The following DST variants were observed in gnomAD, a reference collection of about 807,000 sequenced individuals.
DST encodes the protein bullous pemphigoid antigen.
Under a neutral mutation model 875.2 loss-of-function variants are expected in DST, and 253 were observed. The ratio of observed to expected loss-of-function variants is 0.29; its 90% confidence interval spans 0.26 to 0.32. The LOEUF (loss-of-function observed/expected upper bound fraction) is 0.32, where lower values mean the gene tolerates loss of function less well. DST is among the 10% of genes least tolerant of loss of function. DST has a pLI of 1.00. For synonymous variants in DST, 3,124 were observed against 3,197.1 expected, an observed-to-expected ratio of 0.98 and a Z score of 0.77; for missense variants, 8,287 against 9,111.6, an observed-to-expected ratio of 0.91 and a Z score of 3.68.
At chr6:56,503,629 C>CACACACACA (rs1457089172) in intron 78 of DST, among the ~76,000 whole-genome samples, 2 of 64,164 alleles carry the variant, frequency 3.1e-5, no homozygotes, top group Admixed American at 1.5e-4. Flanking sequence ...ACACACACAC[C>CACACACACA]CCATGTCCCT....
chr6:56,591,331 T>C (rs538945806), intron 49 of DST, among the ~76,000 whole-genome samples: 1 of 152,320 alleles, frequency 6.6e-6, no homozygotes, highest in South Asian at 2.1e-4. Flanking sequence ...TATTCAAGTT[T>C]GTATCTCTAT....
At chr6:56,636,394 G>GTATGTGTGTATATATATACACACATA (rs2098826526) in intron 23 of DST, among the ~76,000 whole-genome samples, 163 bp downstream of exon 23, 1 of 148,292 alleles carries the variant, frequency 6.7e-6, no homozygotes, top group African/African-American at 2.5e-5. Context: ...ATGTGTATAC[G>GTATGTGTGTATATATATACACACATA]TATGTGTGTA....
intron 70 of DST, 91 bp from the exon 71 acceptor site, chr6:56,517,396 G>A (rs2096615423): frequency 1.5e-5 from 23 of 1,579,970 alleles, no homozygotes; most frequent in Middle Eastern, 1.7e-4. Context: ...AAAATATCAC[G>A]TTACACTAGA....
intron 37 of DST, among the ~76,000 whole-genome samples, chr6:56,612,047 T>G (rs1215899593): frequency 1.3e-5 from 2 of 152,162 alleles, no homozygotes; most frequent in African/African-American, 4.8e-5. Flanking sequence ...ATGGTGAAAG[T>G]AATAATCTGT....
intron 3 of DST, among the ~76,000 whole-genome samples, chr6:56,874,182 T>A (rs1030005346): frequency 8.6e-5 from 13 of 151,968 alleles, no homozygotes; most frequent in Admixed American, 7.9e-4. Context: ...TCCATAAAAA[T>A]TAAAAACAAA....
At chr6:56,497,256 A>T in intron 82 of DST, 123 bp downstream of exon 82, 4 of 1,112,772 alleles carry the variant, frequency 3.6e-6, no homozygotes, top group Non-Finnish European at 5.1e-6. Context: ...ATGTATACAC[A>T]GTGATTTCTG....
chr6:56,661,648 G>A (rs2099042952), intron 10 of DST, among the ~76,000 whole-genome samples: 1 of 151,536 alleles, frequency 6.6e-6, no homozygotes, highest in Non-Finnish European at 1.5e-5. Flanking sequence ...GTGCAATGGT[G>A]CCATCTCAGC....
At chr6:56,673,458 C>T (rs999704293) in intron 9 of DST, among the ~76,000 whole-genome samples, 5 of 151,956 alleles carry the variant, frequency 3.3e-5, no homozygotes, top group Non-Finnish European at 5.9e-5. Flanking sequence ...AATTCCATGC[C>T]AGTCAGTTAC....
intron 2 of DST, among the ~76,000 whole-genome samples, chr6:56,940,203 C>T (rs775752366): frequency 0.13 from 19,430 of 144,378 alleles, 1,549 homozygotes; most frequent in Middle Eastern, 0.22. Flanking sequence ...CACACACACA[C>T]ACACACACAC....
chr6:56,949,732 C>A (rs1821403472), intron 2 of DST, among the ~76,000 whole-genome samples: 1 of 152,164 alleles, frequency 6.6e-6, no homozygotes, highest in African/African-American at 2.4e-5. Context: ...TAACTCTAGA[C>A]AAATTATTTA....
chr6:56,607,577 C>T lies in DST; in HGVS notation c.7051G>A (p.Glu2351Lys). The T allele has an allele frequency of 1.2e-6, 2 of 1,612,400 alleles. No individual in the cohort carries two copies. Among genetic ancestry groups the T allele is most frequent in the Non-Finnish European group, 1.7e-6 (2 of 1,179,182 alleles). Residue 2351 changes from glutamate to lysine, a missense_variant, in exon 40 of 104, where the codon GAA (glutamate) becomes AAA (lysine). By Grantham distance (56) the Glu-to-Lys change is moderately conservative (BLOSUM62 1). Around this residue, in one of 10 missense-constraint regions of DST, gnomAD observed 3,138 missense variants for 3,116.6 expected, o/e 1.01. Transcript: ENST00000680361. ...CTAAGCATGCTAATGTCTGCAAGTT[C>T]AGTCTGTGTTAAATATGATATGAGA... is the stretch of plus-strand genomic sequence containing the variant. ...PSLISYLTQT[E>K]LADISMLRSD...
chr6:56,526,255 C>G (rs2096795175), intron 69 of DST, 106 bp downstream of exon 69: 2 of 1,198,278 alleles, frequency 1.7e-6, no homozygotes, highest in Non-Finnish European at 2.3e-6. Context: ...TTTGGAAGCA[C>G]AGCAAATGAA....
At chr6:56,649,327 G>A (rs2098961346) in intron 12 of DST, among the ~76,000 whole-genome samples, 2 of 152,190 alleles carry the variant, frequency 1.3e-5, no homozygotes, top group South Asian at 4.1e-4. Flanking sequence ...AATACTTTAA[G>A]ATATAATACC....
At chr6:56,545,602 C>G (rs1374291467) in intron 61 of DST, among the ~76,000 whole-genome samples, 1 of 152,070 alleles carries the variant, frequency 6.6e-6, no homozygotes, top group Non-Finnish European at 1.5e-5. Context: ...AGTCTTCCCA[C>G]TAAGTGCAAC....
rs762406922 is a variant in DST at position 56,482,767 on chromosome 6, C to T, written c.21318G>A (p.Gln7106=). The T allele has an allele frequency of 6.2e-7, 1 of 1,613,926 alleles. No homozygotes were observed. The change falls in exon 89 of 104, where the codon CAG becomes CAA. Residue 7106 remains glutamine, a synonymous_variant. Coordinates refer to ENST00000680361, the MANE Select transcript of DST (RefSeq NM_001374736.1). ...CCCAGCGTGTGCTTAATTCCTGCATCTGGACCTTGACCCAGGAGGAGTCAT... is the reference window on the plus strand; with the variant it reads ...CCCAGCGTGTGCTTAATTCCTGCATTTGGACCTTGACCCAGGAGGAGTCAT... ...SRDDSSWVKV[Q]MQELSTRWET...
chr6:56,857,160 T>C (rs1768329226), intron 3 of DST, among the ~76,000 whole-genome samples: 1 of 151,998 alleles, frequency 6.6e-6, no homozygotes, highest in Middle Eastern at 3.2e-3. Context: ...TACAGGCACA[T>C]GCTACCACAC....
At chr6:56,526,682 C>A in intron 68 of DST, 115 bp from the exon 69 acceptor site, 2 of 865,496 alleles carry the variant, frequency 2.3e-6, no homozygotes, top group Non-Finnish European at 3.5e-6. Flanking sequence ...TGCCCCACTC[C>A]CCCCCTCCCT....
At chr6:56,670,147 T>C (rs1305298855) in intron 10 of DST, among the ~76,000 whole-genome samples, 4 of 150,698 alleles carry the variant, frequency 2.7e-5, no homozygotes, top group African/African-American at 9.7e-5. Flanking sequence ...TGTGTGTGTG[T>C]GTGTGTGTGT....
At chr6:56,621,059 A>G (rs2098687362) in intron 36 of DST, among the ~76,000 whole-genome samples, 1 of 152,212 alleles carries the variant, frequency 6.6e-6, no homozygotes, top group Non-Finnish European at 1.5e-5. Flanking sequence ...TTGCAAACTC[A>G]CATTGGGTGA....
Sources: allele counts gnomAD v4.1 joint callset (sites outside exome capture counted in the v4.1 genomes callset), GRCh38; gene constraint gnomAD v4.1.1; regional missense constraint gnomAD v4.1.1; transcripts MANE v1.5; gene names NCBI Gene and HGNC (gene_info 2026-07-23, HGNC 2026-07-21).